Variants in TMEM272 observed in about 807,000 individuals in gnomAD.
TMEM272 encodes the protein long intergenic non-protein coding RNA 282.
In TMEM272, 8 loss-of-function variants were observed where a neutral mutation model predicts 3.7. The observed-to-expected ratio is 2.17, with a 90% confidence interval of 1.27 to 3.91. The LOEUF (loss-of-function observed/expected upper bound fraction) is 3.91. Among genes scored for constraint, TMEM272 ranks in the 30% most tolerant of loss-of-function variants. The probability of loss-of-function intolerance (pLI) is 0.00; values close to 1 mark genes in which losing one functional copy is unlikely to be tolerated. For missense variants in TMEM272, 166 were observed against 91.5 expected, an observed-to-expected ratio of 1.81 and a Z score of -3.32; for synonymous variants, 63 against 39.8, an observed-to-expected ratio of 1.58 and a Z score of -2.20.
the TMEM272 span, among the ~76,000 whole-genome samples, chr13:51,870,411 A>C: frequency 6.6e-6 from 1 of 152,172 alleles, no homozygotes; most frequent in African/African-American, 2.4e-5. Context: ...AAAAGAAAAA[A>C]CAAAGAATAA....
At chr13:51,839,854 G>A (rs557059991) in intron 1 of TMEM272, among the ~76,000 whole-genome samples, 13 of 152,328 alleles carry the variant, frequency 8.5e-5, no homozygotes, top group Non-Finnish European at 1.6e-4. Context: ...ACACAAGCAC[G>A]GTGGTTGGGC....
At position 51,814,361 on chromosome 13, in the gene TMEM272, G is replaced by C. The variant is rs1022211409; in HGVS notation, c.*2390C>G. On this transcript the variant is annotated 3_prime_UTR_variant, in exon 5 of 5. Transcript: ENST00000629372. ...TCAGTTATCATTCAAAGCCTGCTGCGCTTGAAGATGTCACCCACTGAACCA... is the reference window on the plus strand; with the variant it reads ...TCAGTTATCATTCAAAGCCTGCTGCCCTTGAAGATGTCACCCACTGAACCA... The C allele has an allele frequency of 6.6e-6, 1 of 152,220 alleles. No homozygotes were observed. The highest frequency in any genetic ancestry group is 1.9e-4 in the East Asian group (1 of 5,200). 9.4% of individuals were successfully genotyped at this position (152,220 alleles called of 1,614,324 possible).
chr13:51,882,557 A>C, the TMEM272 span, among the ~76,000 whole-genome samples: 2 of 152,184 alleles, frequency 1.3e-5, no homozygotes, highest in Non-Finnish European at 2.9e-5. Context: ...AACAGTTATA[A>C]AAGTGTTGAA....
intron 3 of TMEM272, among the ~76,000 whole-genome samples, chr13:51,822,488 T>A (rs1301017813): frequency 6.6e-6 from 1 of 152,188 alleles, no homozygotes; most frequent in Non-Finnish European, 1.5e-5. Flanking sequence ...ATTCAAAGGA[T>A]CCCTTTAAAT....
chr13:51,871,645 G>A, the TMEM272 span, among the ~76,000 whole-genome samples: 1 of 152,064 alleles, frequency 6.6e-6, no homozygotes, highest in East Asian at 1.9e-4. Context: ...ACACCTCACT[G>A]TAACCTCAGC....
chr13:51,820,065 CAT>C (rs1415221378), intron 4 of TMEM272, among the ~76,000 whole-genome samples: 2 of 152,224 alleles, frequency 1.3e-5, no homozygotes, highest in South Asian at 2.1e-4. Context: ...CAAACACACA[CAT>C]GTCCATATGT....
intron 1 of TMEM272, among the ~76,000 whole-genome samples, chr13:51,842,122 T>A (rs1956268827): frequency 6.6e-6 from 1 of 152,196 alleles, no homozygotes; most frequent in South Asian, 2.1e-4. Flanking sequence ...ATCAGCAGCA[T>A]AAACACTAAA....
chr13:51,876,861 G>T, the TMEM272 span, among the ~76,000 whole-genome samples: 1 of 152,172 alleles, frequency 6.6e-6, no homozygotes. Context: ...TACTTTGTTG[G>T]GTTTGAGGTG....
chr13:51,879,731 G>A, the TMEM272 span, among the ~76,000 whole-genome samples: 1 of 152,088 alleles, frequency 6.6e-6, no homozygotes, highest in Non-Finnish European at 1.5e-5. Flanking sequence ...AGCATACAAC[G>A]GTGACTTGCA....
At chr13:51,873,656 C>A in the TMEM272 span, among the ~76,000 whole-genome samples, 1 of 152,192 alleles carries the variant, frequency 6.6e-6, no homozygotes, top group Non-Finnish European at 1.5e-5. Context: ...TGTGTCACTA[C>A]AGTAATTGGG....
the TMEM272 span, among the ~76,000 whole-genome samples, chr13:51,928,028 C>T: frequency 2.0e-5 from 3 of 152,128 alleles, no homozygotes; most frequent in South Asian, 4.2e-4. Flanking sequence ...CCCTACATTC[C>T]GTGGTCTTCC....
At chr13:51,883,040 T>C in the TMEM272 span, among the ~76,000 whole-genome samples, 5 of 152,332 alleles carry the variant, frequency 3.3e-5, no homozygotes, top group East Asian at 9.7e-4. Context: ...TGGGCGCCAC[T>C]GTCTAGACGA....
chr13:51,915,139 C>T, the TMEM272 span, among the ~76,000 whole-genome samples: 3 of 152,240 alleles, frequency 2.0e-5, no homozygotes, highest in Admixed American at 2.0e-4. Context: ...TCAACCAATA[C>T]ACTTCTGCAA....
intron 2 of TMEM272, among the ~76,000 whole-genome samples, chr13:51,827,754 G>A (rs1053003340): frequency 2.0e-5 from 3 of 152,086 alleles, no homozygotes; most frequent in Non-Finnish European, 4.4e-5. Flanking sequence ...CCATTCTGCT[G>A]TGCCGTTTAT....
the TMEM272 span, among the ~76,000 whole-genome samples, chr13:51,885,959 C>T: frequency 6.6e-6 from 1 of 152,154 alleles, no homozygotes; most frequent in African/African-American, 2.4e-5. Flanking sequence ...CCTTATGCTC[C>T]AAACAAAAAC....
At chr13:51,910,750 G>A in the TMEM272 span, 23 of 362,018 alleles carry the variant, frequency 6.4e-5, no homozygotes, top group South Asian at 4.4e-4. Context: ...GGACCACTGC[G>A]GAGTCAGCTG....
intron 2 of TMEM272, among the ~76,000 whole-genome samples, chr13:51,832,002 G>A (rs553609051): frequency 1.6e-4 from 24 of 152,332 alleles, no homozygotes; most frequent in Admixed American, 5.9e-4. Context: ...GAATCAAAAC[G>A]TTGGAGTCAA....
chr13:51,851,410 CAAG>C, the TMEM272 span, among the ~76,000 whole-genome samples: 1,028 of 139,634 alleles, frequency 7.4e-3, 8 homozygotes, highest in Middle Eastern at 0.049. Flanking sequence ...AGAAGAAGAA[CAAG>C]AAGAAGAAGA....
the TMEM272 span, among the ~76,000 whole-genome samples, chr13:51,896,682 C>A: frequency 6.6e-6 from 1 of 152,194 alleles, no homozygotes; most frequent in Non-Finnish European, 1.5e-5. Context: ...GGTCTTCTTA[C>A]AGTGTCTCCA....
Sources: gnomAD v4.1 joint callset for allele counts (sites outside exome capture counted in the v4.1 genomes callset) on GRCh38, gnomAD v4.1.1 for gene constraint, MANE v1.5 for transcripts, NCBI Gene and HGNC (gene_info 2026-07-23, HGNC 2026-07-21) for gene names.